MCC: variants seen among roughly 807,000 people sequenced by gnomAD.
MCC encodes the protein MCC regulator of Wnt signaling pathway.
MCC carries 90 observed loss-of-function variants against 116.2 expected under a neutral mutation model. That is an observed-to-expected ratio of 0.77 (90% CI 0.65 to 0.92). The LOEUF (loss-of-function observed/expected upper bound fraction) is 0.92, where lower values mean the gene tolerates loss of function less well. Among genes scored for constraint, MCC ranks in the 40% least tolerant of loss-of-function variants. MCC has a pLI of 0.00. For synonymous variants in MCC, 578 were observed against 510.5 expected (o/e 1.13, Z -1.78); for missense variants, 1,516 against 1,312.2 (o/e 1.16, Z -2.40).
intron 1 of MCC, among the ~76,000 whole-genome samples, chr5:113,449,979 C>T (rs1771341122): frequency 6.6e-6 from 1 of 152,078 alleles, no homozygotes; most frequent in Admixed American, 6.6e-5. Context: ...ATAAAGAGAA[C>T]ACATGAAATT....
At chr5:113,079,528 G>A (rs1754696633) in intron 11 of MCC, among the ~76,000 whole-genome samples, 1 of 152,194 alleles carries the variant, frequency 6.6e-6, no homozygotes, top group African/African-American at 2.4e-5. Context: ...TCTGATCTTT[G>A]ACAAACCTGC....
intron 5 of MCC, among the ~76,000 whole-genome samples, chr5:113,124,398 T>G (rs796089491): frequency 6.6e-6 from 1 of 152,216 alleles, no homozygotes; most frequent in Non-Finnish European, 1.5e-5. Context: ...TTGTGTATGA[T>G]GAATAAATTA....
At chr5:113,317,512 A>G (rs1720222768) in intron 3 of MCC, among the ~76,000 whole-genome samples, 1 of 152,214 alleles carries the variant, frequency 6.6e-6, no homozygotes, top group South Asian at 2.1e-4. Context: ...CAGTTGTTTC[A>G]TGACTGATAG....
intron 1 of MCC, among the ~76,000 whole-genome samples, chr5:113,429,296 CTT>C (rs771515733): frequency 2.4e-4 from 36 of 151,150 alleles, no homozygotes; most frequent in Non-Finnish European, 1.3e-4. Context: ...AGAGAGAGAT[CTT>C]TCTCTCTGTG....
At chr5:113,253,054 C>T (rs1013840688) in intron 3 of MCC, among the ~76,000 whole-genome samples, 4 of 151,878 alleles carry the variant, frequency 2.6e-5, no homozygotes, top group African/African-American at 9.7e-5. Context: ...TATGTAATAC[C>T]CCAGGGCTTC....
Position 113,268,913 on chromosome 5 carries a change from C to T in MCC, c.627+71606G>A, listed in dbSNP as rs1056749567. 2.0e-5 allele frequency among the ~76,000 whole-genome samples: 3 copies of T among 152,118 alleles called. No individual in the cohort carries two copies. In the South Asian group the frequency reaches 6.2e-4, roughly 32 times the overall value. ...TCCTGACTGGTTAGTGCAGGACACA[C>T]GACAGGAATATTAACGGTGACTGAT... On this transcript the variant is annotated intron_variant, in intron 3 of 18. Transcript: ENST00000408903.
chr5:113,334,148 A>G (rs889730832), intron 3 of MCC, among the ~76,000 whole-genome samples: 5 of 148,268 alleles, frequency 3.4e-5, no homozygotes, highest in Non-Finnish European at 5.9e-5. Flanking sequence ...TGCTGTATAT[A>G]GAAAGTGAAA....
Position 113,488,444 on chromosome 5 carries a change from A to C in MCC, c.-30T>G, listed in dbSNP as rs781320526. 1 of 1,391,018 alleles carries C rather than the reference A, an allele frequency of 7.2e-7. No individual in the cohort carries two copies. The highest frequency in any genetic ancestry group is 2.9e-5 in the East Asian group (1 of 34,368). The allele number at this position is 1,391,018 out of a possible 1,614,324, so 86.2% of individuals were successfully genotyped here. On this transcript the variant is annotated 5_prime_UTR_variant, in exon 1 of 19. Transcript: ENST00000408903. Reference sequence around the variant, plus strand: ...CCGCTCCCTACTTGGGAGGAGGAGTACGCGCGACCGCAGCTGGAATCCGCG... The same window carrying C: ...CCGCTCCCTACTTGGGAGGAGGAGTCCGCGCGACCGCAGCTGGAATCCGCG...
In MCC at chr5:113,085,272, G is replaced by A. The variant is rs1249451831; in HGVS notation, c.1437C>T (p.Ala479=). The change falls in exon 9 of 19, where the codon GCC becomes GCT. Residue 479 remains alanine (A), a synonymous_variant. Transcript: ENST00000408903. ...ELQTRLQSVQ[A]TGPSSPGRLT... ...GGCGGCCAGGGCTGGAGGGACCTGTGGCCTGCACGCTCTGTAGTCGAGTTT... is the reference window on the plus strand; with the variant it reads ...GGCGGCCAGGGCTGGAGGGACCTGTAGCCTGCACGCTCTGTAGTCGAGTTT... The A allele has an allele frequency of 9.3e-6, 15 of 1,613,990 alleles. No individual in the cohort carries two copies. Among genetic ancestry groups the A allele is most frequent in the Non-Finnish European group, 7.6e-6 (9 of 1,180,024 alleles).
rs1239434208 is a variant in MCC at position 113,026,340 on chromosome 5, C to G, written c.*962G>C. 6.6e-6 allele frequency: 1 copy of G among 152,184 alleles called. No individual in the cohort carries two copies. The highest frequency in any genetic ancestry group is 1.9e-4 in the East Asian group (1 of 5,192). 9.4% of individuals were successfully genotyped at this position (152,184 alleles called of 1,614,324 possible). On this transcript the variant is annotated 3_prime_UTR_variant, in exon 19 of 19. Coordinates refer to ENST00000408903, the MANE Select transcript of MCC (RefSeq NM_001085377.2). ...TTCAGTATCTCCTCAGTGTCTTGTC[C>G]TTAGGTAGAGACAGGTCCAGAGCTA... is the stretch of plus-strand genomic sequence containing the variant.
At chr5:113,124,570 T>C (rs561018435) in intron 5 of MCC, among the ~76,000 whole-genome samples, 51 of 152,338 alleles carry the variant, frequency 3.3e-4, no homozygotes, top group African/African-American at 1.2e-3. Context: ...CGAAAACATA[T>C]ATTTCCTGCC....
At chr5:113,391,748 G>A (rs1769407552) in intron 1 of MCC, among the ~76,000 whole-genome samples, 2 of 151,834 alleles carry the variant, frequency 1.3e-5, no homozygotes, top group Non-Finnish European at 2.9e-5. Flanking sequence ...TGGTCATCAG[G>A]ATACAGAAGT....
chr5:113,148,257 A>G (rs934763829), intron 4 of MCC, among the ~76,000 whole-genome samples: 37 of 152,214 alleles, frequency 2.4e-4, no homozygotes, highest in African/African-American at 8.9e-4. Flanking sequence ...TCAGCCAGTA[A>G]GTTTATGGCA....
chr5:113,289,285 C>T (rs529865613), intron 3 of MCC, among the ~76,000 whole-genome samples: 12 of 148,472 alleles, frequency 8.1e-5, no homozygotes, highest in African/African-American at 2.7e-4. Context: ...GCCGAGATTG[C>T]GCCACTGCAC....
At chr5:113,310,565 TC>T (rs1767113415) in intron 3 of MCC, among the ~76,000 whole-genome samples, 3 of 152,272 alleles carry the variant, frequency 2.0e-5, no homozygotes, top group Non-Finnish European at 4.4e-5. Flanking sequence ...CTTATTTTTT[TC>T]ATATCTAAAT....
chr5:113,236,649 A>G (rs1026123250), intron 3 of MCC, among the ~76,000 whole-genome samples: 2 of 152,218 alleles, frequency 1.3e-5, no homozygotes, highest in African/African-American at 4.8e-5. Context: ...AGCGTTGCCA[A>G]CGATTAATAT....
intron 1 of MCC, among the ~76,000 whole-genome samples, chr5:113,458,814 A>C (rs908615438): frequency 6.6e-6 from 1 of 152,184 alleles, no homozygotes; most frequent in Non-Finnish European, 1.5e-5. Context: ...GCAGATAAGG[A>C]CAAAACCCAA....
intron 11 of MCC, among the ~76,000 whole-genome samples, chr5:113,080,962 A>T (rs1174520145): frequency 1.3e-5 from 2 of 152,108 alleles, no homozygotes; most frequent in Non-Finnish European, 2.9e-5. Context: ...GCTCCATGAG[A>T]GCAGGGACCC....
At chr5:113,054,869 C>T (rs917581077) in intron 14 of MCC, among the ~76,000 whole-genome samples, 1 of 152,210 alleles carries the variant, frequency 6.6e-6, no homozygotes, top group Non-Finnish European at 1.5e-5. Context: ...ACGGAGGCCA[C>T]GGCTTTCAAG....
Sources: gnomAD v4.1 joint callset for allele counts (sites outside exome capture counted in the v4.1 genomes callset) on GRCh38, gnomAD v4.1.1 for gene constraint, MANE v1.5 for transcripts, NCBI Gene and HGNC (gene_info 2026-07-23, HGNC 2026-07-21) for gene names.